LRRC4C: variants seen among roughly 807,000 people sequenced by gnomAD.
The protein encoded by LRRC4C is leucine-rich repeat-containing protein 4C.
LRRC4C carries 5 observed loss-of-function variants against 33.6 expected under a neutral mutation model. The observed-to-expected ratio is 0.15, with a 90% CI of 0.08 to 0.31. The LOEUF is 0.31. Ranked by LOEUF, LRRC4C falls within the 10% of genes least tolerant of loss-of-function variation. LRRC4C has a pLI of 1.00. For synonymous variants in LRRC4C, 329 were observed against 302.0 expected, an observed-to-expected ratio of 1.09 and a Z score of -0.93; for missense variants, 560 against 796.7, an observed-to-expected ratio of 0.70 and a Z score of 3.58.
intron 1 of LRRC4C, among the ~76,000 whole-genome samples, chr11:41,376,815 A>C (rs1050632543): frequency 6.6e-6 from 1 of 152,104 alleles, no homozygotes; most frequent in Non-Finnish European, 1.5e-5. Flanking sequence ...TTAAAAATTT[A>C]TATTCTTATA....
chr11:40,324,541 C>T (rs887077050), intron 3 of LRRC4C, among the ~76,000 whole-genome samples: 5 of 151,998 alleles, frequency 3.3e-5, no homozygotes, highest in African/African-American at 9.7e-5. Context: ...CACTCATTTG[C>T]GAAAAACAAT....
At chr11:40,904,431 A>C (rs1246615757) in intron 2 of LRRC4C, among the ~76,000 whole-genome samples, 4 of 152,232 alleles carry the variant, frequency 2.6e-5, no homozygotes, top group Non-Finnish European at 5.9e-5. Context: ...AAGTGTTATA[A>C]AAGAAAATAT....
At chr11:41,320,858 A>G (rs1209164216) in intron 1 of LRRC4C, among the ~76,000 whole-genome samples, 1 of 152,118 alleles carries the variant, frequency 6.6e-6, no homozygotes, top group Non-Finnish European at 1.5e-5. Flanking sequence ...CAACACATTC[A>G]GATTGTTGGC....
chr11:40,151,025 C>T (rs575903660), intron 5 of LRRC4C, among the ~76,000 whole-genome samples: 5 of 152,240 alleles, frequency 3.3e-5, no homozygotes, highest in African/African-American at 9.6e-5. Flanking sequence ...GCTCCATATG[C>T]CTGCAAGAGT....
chr11:41,164,488 A>G (rs932485152), intron 1 of LRRC4C, among the ~76,000 whole-genome samples: 1 of 152,184 alleles, frequency 6.6e-6, no homozygotes. Flanking sequence ...AGAATAGTAA[A>G]CATATAAACC....
intron 2 of LRRC4C, among the ~76,000 whole-genome samples, chr11:40,691,448 A>G (rs966493089): frequency 6.6e-6 from 1 of 152,014 alleles, no homozygotes; most frequent in Non-Finnish European, 1.5e-5. Context: ...CCTCACAGCA[A>G]CCCAGCAAGT....
At chr11:40,314,465 C>T (rs150224149) in intron 4 of LRRC4C, among the ~76,000 whole-genome samples, 54 of 152,144 alleles carry the variant, frequency 3.5e-4, no homozygotes, top group Middle Eastern at 3.4e-3. Context: ...TAAACAAGTA[C>T]AACCACCATG....
chr11:40,749,868 C>T (rs1313812558), intron 2 of LRRC4C, among the ~76,000 whole-genome samples: 1 of 151,936 alleles, frequency 6.6e-6, no homozygotes, highest in Non-Finnish European at 1.5e-5. Flanking sequence ...TATATGCTCA[C>T]AAACTGGAAA....
At chr11:40,321,931 A>C (rs914931337) in intron 3 of LRRC4C, among the ~76,000 whole-genome samples, 1 of 152,170 alleles carries the variant, frequency 6.6e-6, no homozygotes, top group Non-Finnish European at 1.5e-5. Context: ...CAGAGAACTG[A>C]GCTTGGTGGG....
chr11:41,377,326 G>T (rs1952973209), intron 1 of LRRC4C, among the ~76,000 whole-genome samples: 1 of 152,040 alleles, frequency 6.6e-6, no homozygotes, highest in Admixed American at 6.6e-5. Flanking sequence ...AAAAATTCAG[G>T]CTTCTCAACC....
At chr11:40,562,959 G>A (rs1426131560) in intron 3 of LRRC4C, among the ~76,000 whole-genome samples, 2 of 137,580 alleles carry the variant, frequency 1.5e-5, no homozygotes, top group Admixed American at 1.5e-4. Flanking sequence ...TTTTTTTTGT[G>A]ATGTCAGACT....
intron 1 of LRRC4C, among the ~76,000 whole-genome samples, chr11:41,017,923 T>A (rs912685166): frequency 6.6e-6 from 1 of 151,916 alleles, no homozygotes; most frequent in Non-Finnish European, 1.5e-5. Flanking sequence ...GGATTTTTAT[T>A]ATGCTGAGGT....
At chr11:40,368,411 T>C (rs761484078) in intron 3 of LRRC4C, among the ~76,000 whole-genome samples, 4 of 152,166 alleles carry the variant, frequency 2.6e-5, no homozygotes, top group Non-Finnish European at 4.4e-5. Flanking sequence ...AATTTTCTCA[T>C]AGTACCATGA....
intron 2 of LRRC4C, among the ~76,000 whole-genome samples, chr11:40,898,366 A>AAAG (rs1554991244): frequency 8.5e-6 from 1 of 117,372 alleles, no homozygotes. Context: ...AAAAAAAAAA[A>AAAG]AAAAAAGAAA....
In LRRC4C at chr11:40,220,978, C is replaced by T. The variant is rs572590435; in HGVS notation, c.-96+20541G>A. ...GCAACCTCCACCTCCCGGCTTCAAG[C>T]GATTCTCCTGCCTCAGCCTCCCAAA... On this transcript the variant is annotated intron_variant, in intron 5 of 6. Transcript: ENST00000528697. Among the ~76,000 whole-genome samples, 9 of 151,678 alleles carry T rather than the reference C, an allele frequency of 5.9e-5. No homozygotes were observed. The East Asian group carries it at 1.2e-3, about 20-fold the overall frequency.
At chr11:41,034,063 G>A (rs1431196722) in intron 1 of LRRC4C, among the ~76,000 whole-genome samples, 1 of 151,574 alleles carries the variant, frequency 6.6e-6, no homozygotes, top group Non-Finnish European at 1.5e-5. Context: ...CATCATTTTT[G>A]TTGACACATT....
At chr11:41,252,374 G>A (rs2136653397) in intron 1 of LRRC4C, among the ~76,000 whole-genome samples, 1 of 152,178 alleles carries the variant, frequency 6.6e-6, no homozygotes, top group African/African-American at 2.4e-5. Flanking sequence ...ATACATTTCT[G>A]AGCTATCAAA....
rs537250743 is a variant in LRRC4C at position 40,510,233 on chromosome 11, T to G, written c.-270+137909A>C. ...TATTTATATATATATATCTCATATA[T>G]ATATATTTCTTAAAGTTTCAAATAG... On this transcript the variant is annotated intron_variant, in intron 3 of 6. Transcript: ENST00000528697. 2.9e-4 allele frequency among the ~76,000 whole-genome samples: 43 copies of G among 149,222 alleles called. 1 individual carries two copies. The South Asian group carries it at 8.8e-3, about 30-fold the overall frequency.
chr11:40,828,152 T>TACACAC lies in LRRC4C; in HGVS notation c.-407+105477_-407+105482dup, dbSNP rs57515808. On this transcript the variant is annotated intron_variant, in intron 2 of 6. Transcript: ENST00000528697. The stretch of plus-strand genomic sequence containing the variant: ...CCTTTATTTTGTATGTATACAAACA[T>TACACAC]ACACACACACACACACACACACACA... Among the ~76,000 whole-genome samples, 1,353 of 146,924 alleles carry TACACAC rather than the reference T, an allele frequency of 9.2e-3. 7 individuals carry two copies. The highest frequency in any genetic ancestry group is 0.011 in the Middle Eastern group (3 of 278).
Sources: gnomAD v4.1 joint callset for allele counts (sites outside exome capture counted in the v4.1 genomes callset) on GRCh38, gnomAD v4.1.1 for gene constraint, MANE v1.5 for transcripts, NCBI Gene and HGNC (gene_info 2026-07-23, HGNC 2026-07-21) for gene names.